ZCCHC7: variants seen among roughly 807,000 people sequenced by gnomAD.
ZCCHC7 encodes the protein zinc finger CCHC-type containing 7, also known as zinc finger CCHC domain-containing protein 7.
Under a neutral mutation model 52.0 loss-of-function variants are expected in ZCCHC7, and 35 were observed. That is an observed-to-expected ratio of 0.67 (90% CI 0.51 to 0.89). ZCCHC7 has a LOEUF of 0.89. ZCCHC7 is among the 40% of genes least tolerant of loss of function. The pLI, the probability that ZCCHC7 is intolerant of heterozygous loss-of-function variation, is 0.00. For missense variants in ZCCHC7, 574 were observed against 649.1 expected (o/e 0.88, Z 1.26); for synonymous variants, 217 against 221.5 (o/e 0.98, Z 0.18).
At chr9:37,196,620 T>C (rs1823302179) in intron 2 of ZCCHC7, among the ~76,000 whole-genome samples, 1 of 152,222 alleles carries the variant, frequency 6.6e-6, no homozygotes, top group African/African-American at 2.4e-5. Flanking sequence ...TAGTGACCAT[T>C]TTTAGCACTA....
intron 2 of ZCCHC7, among the ~76,000 whole-genome samples, chr9:37,285,858 A>G (rs1313249835): frequency 6.6e-6 from 1 of 152,214 alleles, no homozygotes; most frequent in Non-Finnish European, 1.5e-5. Context: ...AGGAAGATGG[A>G]ACTGGTTCCT....
intron 2 of ZCCHC7, among the ~76,000 whole-genome samples, chr9:37,293,572 A>T (rs1828638579): frequency 6.6e-6 from 1 of 152,142 alleles, no homozygotes. Context: ...TTTTGTGGAC[A>T]GTTGGAGGTG....
chr9:37,298,832 A>G (rs1475377525), intron 2 of ZCCHC7, among the ~76,000 whole-genome samples: 2 of 152,132 alleles, frequency 1.3e-5, no homozygotes, highest in Non-Finnish European at 2.9e-5. Flanking sequence ...TTCTCTCCCT[A>G]AAATTGAGGT....
chr9:37,213,067 A>G (rs1824325345), intron 2 of ZCCHC7, among the ~76,000 whole-genome samples: 1 of 152,086 alleles, frequency 6.6e-6, no homozygotes, highest in Non-Finnish European at 1.5e-5. Flanking sequence ...TTTTAAAACC[A>G]TTTTAAACAA....
chr9:37,285,935 T>A (rs979749323), intron 2 of ZCCHC7, among the ~76,000 whole-genome samples: 2 of 152,176 alleles, frequency 1.3e-5, no homozygotes, highest in Admixed American at 6.5e-5. Context: ...GGGGCATTAT[T>A]TTTGTAAAAT....
intron 2 of ZCCHC7, among the ~76,000 whole-genome samples, chr9:37,218,135 C>T (rs985666179): frequency 5.9e-5 from 9 of 151,978 alleles, no homozygotes; most frequent in African/African-American, 1.7e-4. Flanking sequence ...ACAAGGATCA[C>T]GAGCTATTTA....
At chr9:37,196,264 TGAAA>T (rs1162096259) in intron 2 of ZCCHC7, among the ~76,000 whole-genome samples, 6 of 152,220 alleles carry the variant, frequency 3.9e-5, no homozygotes, top group Non-Finnish European at 8.8e-5. Context: ...GGATGAACAA[TGAAA>T]GAGAGTGAAC....
chr9:37,223,637 A>G (rs990147753), intron 2 of ZCCHC7, among the ~76,000 whole-genome samples: 1 of 152,142 alleles, frequency 6.6e-6, no homozygotes, highest in Non-Finnish European at 1.5e-5. Context: ...TAAGATGACA[A>G]ATCTTACGTT....
chr9:37,203,541 T>C (rs1229394588), intron 2 of ZCCHC7, among the ~76,000 whole-genome samples: 1 of 152,172 alleles, frequency 6.6e-6, no homozygotes, highest in African/African-American at 2.4e-5. Flanking sequence ...CACTTATGCA[T>C]GAGAACATGT....
intron 6 of ZCCHC7, among the ~76,000 whole-genome samples, chr9:37,341,779 A>G (rs577508353): frequency 2.0e-5 from 3 of 152,240 alleles, no homozygotes; most frequent in South Asian, 4.1e-4. Flanking sequence ...ACTATATTAA[A>G]TCTGGGAGAA....
chr9:37,186,692 A>AT, intron 2 of ZCCHC7: 1 of 592,894 alleles, frequency 1.7e-6, no homozygotes, highest in Non-Finnish European at 3.2e-6. Flanking sequence ...ACAGATTCAA[A>AT]TATTTTTTTT....
At chr9:37,235,186 G>A (rs1331312603) in intron 2 of ZCCHC7, among the ~76,000 whole-genome samples, 1 of 152,112 alleles carries the variant, frequency 6.6e-6, no homozygotes. Context: ...TACTTGTACT[G>A]TGCAACAGAA....
intron 2 of ZCCHC7, among the ~76,000 whole-genome samples, chr9:37,172,927 A>G (rs560436956): frequency 6.6e-6 from 1 of 151,530 alleles, no homozygotes; most frequent in South Asian, 2.1e-4. Flanking sequence ...TGAGTGAGCA[A>G]CGTGGGCATT....
At chr9:37,174,043 G>T (rs1821882434) in intron 2 of ZCCHC7, among the ~76,000 whole-genome samples, 2 of 152,122 alleles carry the variant, frequency 1.3e-5, no homozygotes, top group Non-Finnish European at 2.9e-5. Flanking sequence ...TGGGTGTGGT[G>T]GCTCACATCT....
chr9:37,317,685 G>C (rs1468014692), intron 5 of ZCCHC7, among the ~76,000 whole-genome samples: 1 of 152,052 alleles, frequency 6.6e-6, no homozygotes, highest in East Asian at 1.9e-4. Flanking sequence ...AACTCACGTA[G>C]TATAACATTA....
intron 2 of ZCCHC7, among the ~76,000 whole-genome samples, chr9:37,296,525 T>C (rs1400579472): frequency 6.6e-6 from 1 of 152,060 alleles, no homozygotes. Flanking sequence ...GGAATAGATA[T>C]TGAGAAAGTC....
intron 5 of ZCCHC7, among the ~76,000 whole-genome samples, chr9:37,306,057 A>ATATTTATTTATTTATT (rs539869053): frequency 6.6e-5 from 10 of 151,682 alleles, no homozygotes; most frequent in African/African-American, 2.2e-4. Context: ...TTGTGTATTC[A>ATATTTATTTATTTATT]TATTTATTTA....
intron 2 of ZCCHC7, among the ~76,000 whole-genome samples, chr9:37,276,494 T>C (rs1827691083): frequency 6.6e-6 from 1 of 152,210 alleles, no homozygotes. Flanking sequence ...GGTAATAATA[T>C]CCATGTCATT....
At chr9:37,258,117 A>G (rs1826677027) in intron 2 of ZCCHC7, among the ~76,000 whole-genome samples, 1 of 152,212 alleles carries the variant, frequency 6.6e-6, no homozygotes, top group East Asian at 1.9e-4. Context: ...TCGCTGGGCA[A>G]TGGAGGATAT....
Sources: gnomAD v4.1 joint callset for allele counts (sites outside exome capture counted in the v4.1 genomes callset) on GRCh38, gnomAD v4.1.1 for gene constraint, MANE v1.5 for transcripts, NCBI Gene and HGNC (gene_info 2026-07-23, HGNC 2026-07-21) for gene names.